Variants in SLC39A6 observed in about 807,000 individuals in gnomAD.
SLC39A6 encodes the protein solute carrier family 39 member 6.
A neutral mutation model predicts 63.5 loss-of-function variants in SLC39A6; 51 were observed. The observed-to-expected ratio is 0.80, with a 90% CI of 0.64 to 1.01. The LOEUF (loss-of-function observed/expected upper bound fraction) is 1.01. Among genes scored for constraint, SLC39A6 ranks in the 50% least tolerant of loss-of-function variants. The probability of loss-of-function intolerance (pLI) is 0.00; values close to 1 mark genes in which losing one functional copy is unlikely to be tolerated. For missense variants in SLC39A6, 805 were observed against 927.8 expected (o/e 0.87, Z 1.72); for synonymous variants, 318 against 324.7 (o/e 0.98, Z 0.22).
intron 1 of SLC39A6, among the ~76,000 whole-genome samples, chr18:36,128,893 C>T (rs1457265079): frequency 6.6e-6 from 1 of 152,206 alleles, no homozygotes; most frequent in East Asian, 1.9e-4. Flanking sequence ...CTCAAAAAAT[C>T]CTCCGTTGCA....
In SLC39A6 at chr18:36,114,305, G is replaced by A. The variant is rs755359816; in HGVS notation, c.1635C>T (p.His545=). The stretch of plus-strand genomic sequence containing the variant: ...GATCGTCTGACTGGCCGAGTGTATC[G>A]TGGAAATGTGAATGGCATTTATTCT... ...GCKNKCHSHF[H]DTLGQSDDLI... Residue 545 remains histidine, a synonymous_variant, in exon 7 of 10, where the codon CAC becomes CAT. Coordinates refer to ENST00000269187, the MANE Select transcript of SLC39A6 (RefSeq NM_012319.4). The A allele has an allele frequency of 2.8e-5, 46 of 1,614,164 alleles. No homozygotes were observed. The Admixed American group carries it at 5.5e-4, about 19-fold the overall frequency.
At chr18:36,115,778 C>T (rs2089340406) in intron 6 of SLC39A6, among the ~76,000 whole-genome samples, 1 of 152,130 alleles carries the variant, frequency 6.6e-6, no homozygotes, top group Non-Finnish European at 1.5e-5. Context: ...AAGATCATGG[C>T]AAGGAGCTGG....
chr18:36,118,030 CAAA>C (rs767015166), intron 5 of SLC39A6, among the ~76,000 whole-genome samples: 5 of 90,750 alleles, frequency 5.5e-5, no homozygotes, highest in Non-Finnish European at 6.8e-5. Context: ...GACTCCATCT[CAAA>C]AAAAAAAAAA....
chr18:36,120,791 T>C (rs1344235156), intron 5 of SLC39A6, among the ~76,000 whole-genome samples: 4 of 152,126 alleles, frequency 2.6e-5, no homozygotes, highest in African/African-American at 9.7e-5. Flanking sequence ...CCGTGCCTGG[T>C]AGGGGATACT....
chr18:36,116,816 A>G (rs747985776), intron 5 of SLC39A6, 37 bp from the exon 6 acceptor site: 3 of 1,438,786 alleles, frequency 2.1e-6, no homozygotes, highest in South Asian at 1.2e-5. Context: ...TTAAAACAGT[A>G]ATTTGTTTAT....
At chr18:36,112,724 T>C in intron 7 of SLC39A6, 143 bp from the exon 8 acceptor site, 1 of 636,512 alleles carries the variant, frequency 1.6e-6, no homozygotes, top group Non-Finnish European at 2.8e-6. Context: ...GTATCTTCTT[T>C]GTAAGAAATC....
At chr18:36,112,707 C>A in intron 7 of SLC39A6, 126 bp from the exon 8 acceptor site, 1 of 678,170 alleles carries the variant, frequency 1.5e-6, no homozygotes, top group East Asian at 2.6e-5. Flanking sequence ...TTTCCCAAAC[C>A]AACTCTGTAT....
Position 36,124,592 on chromosome 18 carries a change from C to A in SLC39A6, c.898G>T (p.Ala300Ser). 6.3e-7 allele frequency: 1 copy of A among 1,594,082 alleles called. No individual in the cohort carries two copies. Residue 300 changes from alanine (A) to serine (S), a missense_variant, in exon 3 of 10, where the codon GCT becomes TCT. Transcript: ENST00000269187. ...CTTGTATGAATCAGACAAGATCTAG[C>A]ATCAATTTGGTTGATGATGGCTGGA... Reference protein sequence around the residue: ...LCPAIINQIDARSCLIHTSEK... With the variant: ...LCPAIINQIDSRSCLIHTSEK...
Position 36,126,425 on chromosome 18 carries a change from C to T in SLC39A6, c.583G>A (p.Val195Ile), listed in dbSNP as rs369382264. 1.2e-5 allele frequency: 20 copies of T among 1,614,102 alleles called. No homozygotes were observed. In the African/African-American group the frequency reaches 2.1e-4, roughly 17 times the overall value. Residue 195 changes from valine (V) to isoleucine (I), a missense_variant, in exon 2 of 10, where the codon GTC (valine) becomes ATC (isoleucine). Transcript: ENST00000269187. The stretch of plus-strand genomic sequence containing the variant: ...TCTAGAAAGTGAGTTCCTTCAGAGA[C>T]AGTGTTGTACACAGTTGAGGTCACT... The part of the protein sequence containing the change: ...SEVTSTVYNT[V>I]SEGTHFLETI...
Position 36,128,506 on chromosome 18 carries a change from G to A in SLC39A6, c.-10+608C>T, listed in dbSNP as rs1598716609. ...GAACAGTGGGAAATGGAGGTACGGC[G>A]TAGAACGAGGCTCCTGAAAGAGGAA... On this transcript the variant is annotated intron_variant, in intron 1 of 9. Transcript: ENST00000269187. Among the ~76,000 whole-genome samples, 4 of 152,356 alleles carry A rather than the reference G, an allele frequency of 2.6e-5. No individual in the cohort carries two copies. In the Middle Eastern group the frequency reaches 0.014, roughly 518 times the overall value.
Position 36,112,539 on chromosome 18 carries a change from G to A in SLC39A6, c.1886C>T (p.Ser629Phe). 1 of 1,613,764 alleles carries A rather than the reference G, an allele frequency of 6.2e-7. No homozygotes were observed. Among genetic ancestry groups the A allele is most frequent in the Non-Finnish European group, 8.5e-7 (1 of 1,179,786 alleles). ...CAACTCATGACAGAACACAGCAACA[G>A]AAGTACTTAAACCACTTGATAAGCC... ...TEGLSSGLST[S>F]VAVFCHELPH... The change falls in exon 8 of 10, where the codon TCT becomes TTT. Residue 629 changes from serine (S) to phenylalanine (F), a missense_variant. By Grantham distance (155) the Ser-to-Phe change is radical. Around this residue, in one of 4 missense-constraint regions of SLC39A6, gnomAD observed 145 missense variants for 227.2 expected, o/e 0.64. Coordinates refer to ENST00000269187, the MANE Select transcript of SLC39A6 (RefSeq NM_012319.4).
At chr18:36,118,144 C>G (rs2089363406) in intron 5 of SLC39A6, among the ~76,000 whole-genome samples, 1 of 151,942 alleles carries the variant, frequency 6.6e-6, no homozygotes, top group South Asian at 2.1e-4. Context: ...CTCAGGGTAT[C>G]TTAAATCATT....
chr18:36,115,768 A>C (rs1253424936), intron 6 of SLC39A6, among the ~76,000 whole-genome samples: 2 of 152,208 alleles, frequency 1.3e-5, no homozygotes, highest in African/African-American at 2.4e-5. Flanking sequence ...CGGGACCTTG[A>C]AGATCATGGC....
chr18:36,126,584 G>C lies in SLC39A6; in HGVS notation c.424C>G (p.Arg142Gly). ...HNHAASGKNKRKALCPDHDSD... is the reference protein window; with the variant it reads ...HNHAASGKNKGKALCPDHDSD... ...TCATGGTCTGGGCAAAGAGCTTTTC[G>C]CTTATTTTTACCAGAAGCAGCATGA... The change falls in exon 2 of 10, where the codon CGA becomes GGA. Residue 142 changes from arginine (R) to glycine (G), a missense_variant. By Grantham distance (125) the Arg-to-Gly change is moderately radical. This residue lies in a region of SLC39A6 where 639 missense variants were observed against 644.0 expected (regional missense o/e 0.99). Coordinates refer to ENST00000269187, the MANE Select transcript of SLC39A6 (RefSeq NM_012319.4). 6.2e-7 allele frequency: 1 copy of C among 1,614,090 alleles called. No homozygotes were observed. Among genetic ancestry groups the C allele is most frequent in the Admixed American group, 1.7e-5 (1 of 60,016 alleles).
chr18:36,112,197 G>A (rs2089306311), intron 8 of SLC39A6, among the ~76,000 whole-genome samples: 1 of 152,228 alleles, frequency 6.6e-6, no homozygotes, highest in Non-Finnish European at 1.5e-5. Flanking sequence ...CAGAACTTGG[G>A]AAGGTTTTAA....
intron 4 of SLC39A6, among the ~76,000 whole-genome samples, chr18:36,122,764 T>C (rs2089404979): frequency 6.6e-6 from 1 of 152,204 alleles, no homozygotes; most frequent in Admixed American, 6.5e-5. Context: ...GAATCGGGTG[T>C]GGAACACACT....
intron 5 of SLC39A6, 149 bp downstream of exon 5, chr18:36,121,903 C>G (rs3737467): frequency 0.48 from 288,386 of 600,602 alleles, 73,094 homozygotes; most frequent in East Asian, 0.65. Flanking sequence ...TCATAAATAT[C>G]TCTGGGACCA....
At chr18:36,112,691 T>C (rs1789514) in intron 7 of SLC39A6, 110 bp from the exon 8 acceptor site, 254,621 of 778,206 alleles carry the variant, frequency 0.33, 43,564 homozygotes, top group Middle Eastern at 0.41. Context: ...TGTGAATGAA[T>C]AGAAGTTTCC....
At chr18:36,110,189 T>G (rs1046320133) in intron 9 of SLC39A6, among the ~76,000 whole-genome samples, 1 of 151,940 alleles carries the variant, frequency 6.6e-6, no homozygotes, top group East Asian at 1.9e-4. Context: ...AGCGGTAAGA[T>G]TGGTTGGGAT....
Sources: gnomAD v4.1 joint callset for allele counts (sites outside exome capture counted in the v4.1 genomes callset) on GRCh38, gnomAD v4.1.1 for gene constraint, gnomAD v4.1.1 regional missense constraint, MANE v1.5 for transcripts, NCBI Gene and HGNC (gene_info 2026-07-23, HGNC 2026-07-21) for gene names.